Variants in MTRR observed in about 807,000 individuals in gnomAD.
MTRR encodes the protein 5-methyltetrahydrofolate-homocysteine methyltransferase reductase.
In MTRR, 63 loss-of-function variants were observed where a neutral mutation model predicts 79.2. The observed-to-expected ratio is 0.80, with a 90% CI of 0.65 to 0.98. The LOEUF (loss-of-function observed/expected upper bound fraction) is 0.98. MTRR is among the 50% of genes least tolerant of loss of function. The pLI, the probability that MTRR is intolerant of heterozygous loss-of-function variation, is 0.00. For missense variants in MTRR, 895 were observed against 839.6 expected, an observed-to-expected ratio of 1.07 and a Z score of -0.82; for synonymous variants, 355 against 313.3, an observed-to-expected ratio of 1.13 and a Z score of -1.41.
At chr5:7,883,019 T>C in intron 5 of MTRR, 136 bp from the exon 6 acceptor site, 1 of 1,073,362 alleles carries the variant, frequency 9.3e-7, no homozygotes. Flanking sequence ...ATATCTGCCC[T>C]CATTCATTTA....
At chr5:7,888,090 C>T (rs994865485) in intron 8 of MTRR, among the ~76,000 whole-genome samples, 14 of 151,822 alleles carry the variant, frequency 9.2e-5, no homozygotes, top group Non-Finnish European at 1.6e-4. Flanking sequence ...TAATTATGGG[C>T]AATTGAGTCA....
At chr5:7,851,211 ACCCTCCCCTCCTC>A (rs929374141) in exon 1 of MTRR, 21 of 553,906 alleles carry the variant, frequency 3.8e-5, no homozygotes, top group Non-Finnish European at 5.7e-5. Context: ...GGGTGGAGCG[ACCCTCCCCTCCTC>A]CCTCCCGGCC....
At chr5:7,889,640 C>T (rs1737217428) in intron 9 of MTRR, among the ~76,000 whole-genome samples, 1 of 152,052 alleles carries the variant, frequency 6.6e-6, no homozygotes, top group Non-Finnish European at 1.5e-5. Flanking sequence ...GGTTGTTTAG[C>T]TAAATGTCTA....
Position 7,886,610 on chromosome 5 carries a change from A to G in MTRR, c.1058-5A>G. 6.2e-7 allele frequency: 1 copy of G among 1,608,170 alleles called. No homozygotes were observed. The highest frequency in any genetic ancestry group is 8.5e-7 in the Non-Finnish European group (1 of 1,174,598). On this transcript the variant is annotated splice_polypyrimidine_tract_variant and splice_region_variant and intron_variant, in intron 7 of 14. Coordinates refer to ENST00000440940, the MANE Select transcript of MTRR (RefSeq NM_002454.3). ...TGAACCCCTTTCCCGTCTTTACCTG[A>G]AAAGGAGCTACCTTACCCCAGCATA... is the stretch of plus-strand genomic sequence containing the variant.
At chr5:7,883,047 G>T (rs1561210258) in intron 5 of MTRR, 108 bp from the exon 6 acceptor site, 4 of 1,425,154 alleles carry the variant, frequency 2.8e-6, no homozygotes, top group Non-Finnish European at 3.9e-6. Context: ...AATGAATACT[G>T]AGTAGCCAGG....
chr5:7,878,945 A>G (rs1287664551), intron 5 of MTRR, among the ~76,000 whole-genome samples: 1 of 152,214 alleles, frequency 6.6e-6, no homozygotes, highest in Non-Finnish European at 1.5e-5. Context: ...CCCTTACTGC[A>G]GCTATTACCA....
chr5:7,867,549 C>CA (rs1476511661), upstream of MTRR: 6 of 1,614,126 alleles, frequency 3.7e-6, no homozygotes, highest in Middle Eastern at 1.6e-4. Context: ...AAAGCAGTCA[C>CA]TAAACTAGTG....
chr5:7,884,136 C>T (rs1263879981), intron 6 of MTRR, among the ~76,000 whole-genome samples: 1 of 152,080 alleles, frequency 6.6e-6, no homozygotes, highest in Non-Finnish European at 1.5e-5. Context: ...TGCACTCCAG[C>T]CTGGGTGACA....
In MTRR at chr5:7,878,253, A is replaced by T; in HGVS notation, c.711A>T (p.Gln237His). The T allele has an allele frequency of 6.2e-7, 1 of 1,614,176 alleles. No individual in the cohort carries two copies. Among genetic ancestry groups the T allele is most frequent in the Middle Eastern group, 1.6e-4 (1 of 6,062 alleles). Residue 237 changes from glutamine (Q) to histidine (H), a missense_variant, in exon 5 of 15, where the codon CAA (glutamine) becomes CAT (histidine). Coordinates refer to ENST00000440940, the MANE Select transcript of MTRR (RefSeq NM_002454.3). ...CCCGTTCGGTACCCCCACTCTCACAAGCCTCTCTGAATATTCCTGGTTTAC... is the reference window on the plus strand; with the variant it reads ...CCCGTTCGGTACCCCCACTCTCACATGCCTCTCTGAATATTCCTGGTTTAC... ...SLTRSVPPLS[Q>H]ASLNIPGLPP...
intron 8 of MTRR, 45 bp from the exon 9 acceptor site, chr5:7,889,050 T>G (rs996749952): frequency 6.2e-7 from 1 of 1,610,410 alleles, no homozygotes; most frequent in African/African-American, 1.3e-5. Context: ...CTAATAGCTC[T>G]ACCCACAAAT....
chr5:7,897,290 AGT>A (rs762812683), intron 14 of MTRR, 43 bp downstream of exon 14: 203 of 1,592,670 alleles, frequency 1.3e-4, no homozygotes, highest in Non-Finnish European at 1.7e-4. Flanking sequence ...GAGGGCCATC[AGT>A]GATGTCTGTA....
chr5:7,875,478 A>G (rs1405421064), intron 4 of MTRR, 103 bp downstream of exon 4: 1 of 1,076,806 alleles, frequency 9.3e-7, no homozygotes, highest in Admixed American at 1.7e-5. Flanking sequence ...AATTTTCCTC[A>G]TGTTTTACTT....
chr5:7,899,389 G>A (rs1340845408), intron 14 of MTRR, among the ~76,000 whole-genome samples: 5 of 152,160 alleles, frequency 3.3e-5, no homozygotes, highest in Admixed American at 2.6e-4. Context: ...ACCCAGGAGG[G>A]GTACCGCCCC....
intron 2 of MTRR, among the ~76,000 whole-genome samples, 157 bp downstream of exon 2, chr5:7,871,080 A>G (rs1747903941): frequency 6.6e-6 from 1 of 152,242 alleles, no homozygotes; most frequent in South Asian, 2.1e-4. Context: ...TATCACCAGC[A>G]TTTTTTTAAT....
Position 7,869,217 on chromosome 5 carries a change from T to A in MTRR, c.-26+2T>A, listed in dbSNP as rs1012740277. On this transcript the variant is annotated splice_donor_variant, in intron 1 of 14. Transcript: ENST00000440940. LOFTEE classifies it low-confidence loss of function (5UTR_SPLICE). ...TCGTGCCCGGCTGGCGCGGCGTGGG[T>A]AAGCTGCCTGTCGGCTACGGTTCCC... 6.2e-7 allele frequency: 1 copy of A among 1,605,998 alleles called. No homozygotes were observed. Among genetic ancestry groups the A allele is most frequent in the Non-Finnish European group, 8.5e-7 (1 of 1,179,700 alleles).
Position 7,891,411 on chromosome 5 carries a change from C to T in MTRR, c.1367C>T (p.Ala456Val), listed in dbSNP as rs761821020. Residue 456 changes from alanine (A) to valine (V), a missense_variant, in exon 10 of 15, where the codon GCA becomes GTA. Ala to Val is a moderately conservative substitution (Grantham distance 64, BLOSUM62 0). Coordinates refer to ENST00000440940, the MANE Select transcript of MTRR (RefSeq NM_002454.3). ...PKLQPRPYSC[A>V]SSSLFHPGKL... ...CTTCAACCCAGACCATATTCGTGTG[C>T]AAGGTACTACTATTTATTCACGTAA... The T allele has an allele frequency of 3.1e-6, 5 of 1,606,730 alleles. No individual in the cohort carries two copies. Among genetic ancestry groups the T allele is most frequent in the Non-Finnish European group, 4.3e-6 (5 of 1,175,734 alleles).
chr5:7,891,251 AC>A, intron 9 of MTRR, 120 bp from the exon 10 acceptor site: 2 of 676,894 alleles, frequency 3.0e-6, no homozygotes, highest in Non-Finnish European at 5.0e-6. Flanking sequence ...ATGATTTAAA[AC>A]TAGAACATGA....
At chr5:7,898,762 C>T (rs1441091115) in intron 14 of MTRR, among the ~76,000 whole-genome samples, 1 of 152,156 alleles carries the variant, frequency 6.6e-6, no homozygotes, top group East Asian at 1.9e-4. Context: ...GGGGCCAGGA[C>T]ATGTTCAGTT....
At chr5:7,867,701 G>A (rs777011399), upstream of MTRR, 3 of 1,614,040 alleles carry the variant, frequency 1.9e-6, no homozygotes, top group African/African-American at 4.0e-5. Flanking sequence ...TGCTGCCATA[G>A]TGTCAGGCAG....
Sources: allele counts gnomAD v4.1 joint callset (sites outside exome capture counted in the v4.1 genomes callset), GRCh38; gene constraint gnomAD v4.1.1; transcripts MANE v1.5; gene names NCBI Gene and HGNC (gene_info 2026-07-23, HGNC 2026-07-21).